The following SOX5 variants were observed in gnomAD, a reference collection of about 807,000 sequenced individuals.
SOX5 encodes the protein SRY-box transcription factor 5, also known as transcription factor SOX-5.
A neutral mutation model predicts 92.0 loss-of-function variants in SOX5; 9 were observed. The ratio of observed to expected loss-of-function variants is 0.10; its 90% CI spans 0.06 to 0.17. The LOEUF (loss-of-function observed/expected upper bound fraction) is 0.17, where lower values mean the gene tolerates loss of function less well. Among genes scored for constraint, SOX5 ranks in the 10% least tolerant of loss-of-function variants. The probability of loss-of-function intolerance (pLI) is 1.00; values close to 1 mark genes in which losing one functional copy is unlikely to be tolerated. For synonymous variants in SOX5, 344 were observed against 336.3 expected, an observed-to-expected ratio of 1.02 and a Z score of -0.25; for missense variants, 642 against 944.5, an observed-to-expected ratio of 0.68 and a Z score of 4.20.
At chr12:23,588,096 C>A (rs1950998469) in intron 9 of SOX5, among the ~76,000 whole-genome samples, 1 of 152,028 alleles carries the variant, frequency 6.6e-6, no homozygotes, top group South Asian at 2.1e-4. Flanking sequence ...ACTATTTATA[C>A]AGAATGTCAG....
At chr12:24,354,164 C>T (rs1954494009) in intron 2 of SOX5, among the ~76,000 whole-genome samples, 2 of 152,316 alleles carry the variant, frequency 1.3e-5, no homozygotes, top group African/African-American at 4.8e-5. Flanking sequence ...ACCAGGTAGA[C>T]CCAATCATGT....
chr12:23,970,841 A>ATATATATATATATATATTTTTT lies in SOX5; in HGVS notation c.-1-74818_-1-74817insAAAAAATATATATATATATATA. On this transcript the variant is annotated intron_variant, in intron 4 of 4. Coordinates refer to the SOX5 transcript ENST00000446891. ...ACATGGGACTTTATATATATATATA[A>ATATATATATATATATATTTTTT]TTTTTTTTTTTTTTTAAGAAATGGG... is the stretch of plus-strand genomic sequence containing the variant. 5.0e-4 allele frequency among the ~76,000 whole-genome samples: 11 copies of ATATATATATATATATATTTTTT among 21,882 alleles called. 2 individuals are homozygous for ATATATATATATATATATTTTTT. Among genetic ancestry groups the ATATATATATATATATATTTTTT allele is most frequent in the Non-Finnish European group, 8.2e-4 (8 of 9,706 alleles). 14.4% of individuals were successfully genotyped at this position (21,882 alleles called of 152,430 possible).
chr12:24,455,980 T>C lies in SOX5; in HGVS notation c.-250-87341A>G, dbSNP rs546898601. Among the ~76,000 whole-genome samples the C allele has an allele frequency of 2.3e-3, 353 of 152,274 alleles. 2 individuals are homozygous for C. Among genetic ancestry groups the C allele is most frequent in the African/African-American group, 8.0e-3 (332 of 41,546 alleles). The stretch of plus-strand genomic sequence containing the variant: ...CATGGATTAGCTGAGCTCTGAGTTG[T>C]GGCTGCATCTCAGTCCACTTCCTCC... On this transcript the variant is annotated intron_variant, in intron 1 of 4. Coordinates refer to the SOX5 transcript ENST00000446891.
At chr12:24,332,202 C>T (rs1326974399) in intron 2 of SOX5, among the ~76,000 whole-genome samples, 4 of 152,036 alleles carry the variant, frequency 2.6e-5, no homozygotes, top group Non-Finnish European at 5.9e-5. Flanking sequence ...AAGAAAAGAT[C>T]CATAACACTT....
chr12:23,752,139 G>A (rs1223444771), intron 4 of SOX5, among the ~76,000 whole-genome samples: 1 of 150,280 alleles, frequency 6.7e-6, no homozygotes. Context: ...AGAGAAACTG[G>A]TCTAGAATTT....
intron 1 of SOX5, among the ~76,000 whole-genome samples, chr12:23,925,858 T>G (rs1397183306): frequency 1.3e-5 from 2 of 152,052 alleles, no homozygotes; most frequent in Non-Finnish European, 2.9e-5. Context: ...ACCCTTACAA[T>G]CACCTTTAGT....
At chr12:23,552,175 T>C (rs1204007219) in intron 11 of SOX5, among the ~76,000 whole-genome samples, 1 of 151,900 alleles carries the variant, frequency 6.6e-6, no homozygotes, top group Non-Finnish European at 1.5e-5. Context: ...TAATTTTGAT[T>C]TTTATGAAGA....
chr12:23,859,844 A>G (rs991087274), intron 2 of SOX5, among the ~76,000 whole-genome samples: 2 of 152,162 alleles, frequency 1.3e-5, no homozygotes, highest in Non-Finnish European at 1.5e-5. Context: ...CTACATTGAA[A>G]TATTGGGGAC....
intron 4 of SOX5, among the ~76,000 whole-genome samples, chr12:24,154,332 C>T (rs1951949134): frequency 6.6e-6 from 1 of 152,102 alleles, no homozygotes; most frequent in Non-Finnish European, 1.5e-5. Context: ...GCCTAGAGCC[C>T]ATTACTGACT....
At chr12:23,596,784 A>C (rs1174786195) in intron 9 of SOX5, among the ~76,000 whole-genome samples, 2 of 152,118 alleles carry the variant, frequency 1.3e-5, no homozygotes, top group Non-Finnish European at 2.9e-5. Flanking sequence ...TTTAGCTATG[A>C]TGTTCATTGA....
chr12:24,495,805 A>T (rs955991650), intron 1 of SOX5, among the ~76,000 whole-genome samples: 1 of 152,182 alleles, frequency 6.6e-6, no homozygotes, highest in African/African-American at 2.4e-5. Context: ...AACCACAAGG[A>T]TGGGGGAGGG....
chr12:23,931,974 G>T (rs1026931384), intron 1 of SOX5, among the ~76,000 whole-genome samples: 1 of 151,254 alleles, frequency 6.6e-6, no homozygotes, highest in Non-Finnish European at 1.5e-5. Context: ...CCTCAACAAG[G>T]GTCAGTTAAA....
chr12:24,451,506 T>A (rs1455794582), intron 1 of SOX5, among the ~76,000 whole-genome samples: 4 of 152,206 alleles, frequency 2.6e-5, no homozygotes, highest in Admixed American at 1.3e-4. Flanking sequence ...TAGGGTGAGA[T>A]AATATCTCAT....
chr12:24,286,204 TAC>T (rs1217719441), intron 2 of SOX5, among the ~76,000 whole-genome samples: 2 of 152,152 alleles, frequency 1.3e-5, no homozygotes, highest in Non-Finnish European at 1.5e-5. Flanking sequence ...AAAAAGGGAA[TAC>T]AGTTAATAAT....
At chr12:24,045,077 G>T (rs1956870300) in intron 4 of SOX5, among the ~76,000 whole-genome samples, 1 of 152,158 alleles carries the variant, frequency 6.6e-6, no homozygotes, top group African/African-American at 2.4e-5. Context: ...CCCACTAGGA[G>T]GTTATGGCCA....
chr12:23,735,316 G>T (rs773554364), intron 5 of SOX5, among the ~76,000 whole-genome samples: 1 of 152,026 alleles, frequency 6.6e-6, no homozygotes, highest in Non-Finnish European at 1.5e-5. Flanking sequence ...TTCTTAAGAA[G>T]GTTGCCAATC....
intron 3 of SOX5, among the ~76,000 whole-genome samples, chr12:23,761,368 T>A (rs1367702578): frequency 6.6e-6 from 1 of 152,158 alleles, no homozygotes; most frequent in Admixed American, 6.6e-5. Flanking sequence ...ATATTTCCTC[T>A]CTACAAGATT....
chr12:24,189,381 A>T (rs1180364604), intron 4 of SOX5, among the ~76,000 whole-genome samples: 1 of 152,334 alleles, frequency 6.6e-6, no homozygotes, highest in Admixed American at 6.5e-5. Flanking sequence ...TATTCCAGTA[A>T]GAAGTGATAT....
intron 2 of SOX5, among the ~76,000 whole-genome samples, chr12:24,350,379 C>G (rs1953919583): frequency 6.6e-6 from 1 of 152,122 alleles, no homozygotes; most frequent in Admixed American, 6.5e-5. Flanking sequence ...TGGAGTGTGT[C>G]TTACTCTGTC....
Sources: allele counts gnomAD v4.1 joint callset (sites outside exome capture counted in the v4.1 genomes callset), GRCh38; gene constraint gnomAD v4.1.1; transcripts MANE v1.5; gene names NCBI Gene and HGNC (gene_info 2026-07-23, HGNC 2026-07-21).